SPOP: variants seen among roughly 807,000 people sequenced by gnomAD.
The protein encoded by SPOP is speckle type BTB/POZ protein.
In SPOP, 11 loss-of-function variants were observed where a neutral mutation model predicts 45.6. That is an observed-to-expected ratio of 0.24 (90% confidence interval 0.15 to 0.40). The LOEUF (loss-of-function observed/expected upper bound fraction) is 0.40, where lower values mean the gene tolerates loss of function less well. Ranked by LOEUF, SPOP falls within the 10% of genes least tolerant of loss-of-function variation. The probability of loss-of-function intolerance (pLI) is 1.00; values close to 1 mark genes in which losing one functional copy is unlikely to be tolerated. For synonymous variants in SPOP, 166 were observed against 166.3 expected (o/e 1.00, Z 0.01); for missense variants, 152 against 465.6 (o/e 0.33, Z 6.20).
In SPOP at chr17:49,600,557, G is replaced by C. The variant is rs1455091686; in HGVS notation, c.981-35C>G. The stretch of plus-strand genomic sequence containing the variant: ...ATGTGGAGAAATGGGTTACCAAAGG[G>C]AGTGAGCAAGGGATGAATTCAACAG... On this transcript the variant is annotated intron_variant, in intron 9 of 9. Transcript: ENST00000504102. This position sits in a 1 kb window ranked among gnomAD's most constrained non-coding sequence, Gnocchi z 4.2. 6.2e-7 allele frequency: 1 copy of C among 1,613,100 alleles called. No individual in the cohort carries two copies. Among genetic ancestry groups the C allele is most frequent in the East Asian group, 2.2e-5 (1 of 44,862 alleles).
chr17:49,671,399 T>C (rs2073133779), intron 1 of SPOP, among the ~76,000 whole-genome samples: 1 of 151,662 alleles, frequency 6.6e-6, no homozygotes, highest in South Asian at 2.1e-4. Flanking sequence ...GTCATATACA[T>C]AAAGGTTAAG....
At position 49,619,178 on chromosome 17, in the gene SPOP, T is replaced by C. The variant is rs2072160671; in HGVS notation, c.352+56A>G. Reference sequence around the variant, plus strand: ...CCAGATCAAAGCCACAACTTGTCAGTGTATGAAACTTCTGGATGTGAAACT... The same window carrying C: ...CCAGATCAAAGCCACAACTTGTCAGCGTATGAAACTTCTGGATGTGAAACT... On this transcript the variant is annotated intron_variant, in intron 4 of 9. Transcript: ENST00000504102. This position sits in a 1 kb window ranked among gnomAD's most constrained non-coding sequence, Gnocchi z 4.9. 6.2e-7 allele frequency: 1 copy of C among 1,613,788 alleles called. No homozygotes were observed. The highest frequency in any genetic ancestry group is 1.3e-5 in the African/African-American group (1 of 74,986).
chr17:49,620,401 G>C (rs1428667829), intron 3 of SPOP, among the ~76,000 whole-genome samples: 1 of 150,462 alleles, frequency 6.6e-6, no homozygotes, highest in South Asian at 2.1e-4. Flanking sequence ...CCAGGAGGCA[G>C]AGGTTGCAGT....
At chr17:49,674,400 T>C (rs2073174740) in intron 1 of SPOP, among the ~76,000 whole-genome samples, 1 of 152,244 alleles carries the variant, frequency 6.6e-6, no homozygotes. Flanking sequence ...ATTATTGATC[T>C]GTTCAGGTTT....
At chr17:49,617,004 G>T (rs2072101285) in intron 5 of SPOP, among the ~76,000 whole-genome samples, 1 of 152,204 alleles carries the variant, frequency 6.6e-6, no homozygotes, top group Non-Finnish European at 1.5e-5. Flanking sequence ...TTAACCACAG[G>T]ATAAGAGACT....
At chr17:49,610,304 C>T (rs532597219) in intron 6 of SPOP, among the ~76,000 whole-genome samples, 6 of 151,854 alleles carry the variant, frequency 4.0e-5, no homozygotes, top group South Asian at 2.1e-4. Context: ...CTGCAACCTC[C>T]GCCTCCAGGG....
chr17:49,600,621 G>A lies in SPOP; in HGVS notation c.981-99C>T. 7.5e-7 allele frequency: 1 copy of A among 1,327,078 alleles called. No homozygotes were observed. Among genetic ancestry groups the A allele is most frequent in the Non-Finnish European group, 1.1e-6 (1 of 945,726 alleles). 82.2% of individuals were successfully genotyped at this position (1,327,078 alleles called of 1,614,324 possible). On this transcript the variant is annotated intron_variant, in intron 9 of 9. Coordinates refer to ENST00000504102, the MANE Select transcript of SPOP (RefSeq NM_001007228.2). This position sits in a 1 kb window ranked among gnomAD's most constrained non-coding sequence, Gnocchi z 4.2. The stretch of plus-strand genomic sequence containing the variant: ...CTAATTTTCCACTGTTAGGTATAAA[G>A]GGTGTCAATGCAAGAAACAGAAGAA...
At chr17:49,617,200 G>A (rs2072107278) in intron 5 of SPOP, among the ~76,000 whole-genome samples, 1 of 152,214 alleles carries the variant, frequency 6.6e-6, no homozygotes, top group Non-Finnish European at 1.5e-5. Flanking sequence ...ATTTAGGGGA[G>A]ATTTTCTTCA....
At position 49,621,840 on chromosome 17, in the gene SPOP, A is replaced by G. The variant is rs962821469; in HGVS notation, c.200+106T>C. 6 of 1,282,686 alleles carry G rather than the reference A, an allele frequency of 4.7e-6. No homozygotes were observed. The African/African-American group carries it at 8.9e-5, about 19-fold the overall frequency. The allele number at this position is 1,282,686 out of a possible 1,614,324, so 79.5% of individuals were successfully genotyped here. A position where few individuals can be genotyped will look rare whatever the true frequency, so the allele number is the denominator to read the frequency against. On this transcript the variant is annotated intron_variant, in intron 3 of 9. Coordinates refer to ENST00000504102, the MANE Select transcript of SPOP (RefSeq NM_001007228.2). ...TGGGAAATACAGTAAGAACAAAACAAAAGTCCTGGCCTTCATGGAAATTAC... is the reference window on the plus strand; with the variant it reads ...TGGGAAATACAGTAAGAACAAAACAGAAGTCCTGGCCTTCATGGAAATTAC...
At chr17:49,657,133 C>A (rs1232668925) in intron 1 of SPOP, among the ~76,000 whole-genome samples, 7 of 149,504 alleles carry the variant, frequency 4.7e-5, no homozygotes, top group Non-Finnish European at 1.0e-4. Flanking sequence ...TGCAGTGAGC[C>A]GAGATTGCGC....
chr17:49,642,671 C>T (rs1229672267), intron 1 of SPOP, among the ~76,000 whole-genome samples: 1 of 152,150 alleles, frequency 6.6e-6, no homozygotes, highest in Non-Finnish European at 1.5e-5. Flanking sequence ...AAAACGAACC[C>T]TACAGTGTTA....
chr17:49,657,923 A>G (rs1048932995), intron 1 of SPOP, among the ~76,000 whole-genome samples: 10 of 148,162 alleles, frequency 6.7e-5, no homozygotes, highest in Admixed American at 1.3e-4. Context: ...GGATGGTCTC[A>G]ATCTCCTGAC....
intron 8 of SPOP, among the ~76,000 whole-genome samples, chr17:49,605,763 G>A (rs1016978182): frequency 2.6e-5 from 4 of 151,866 alleles, no homozygotes; most frequent in African/African-American, 9.7e-5. Context: ...AGAGGTGGGC[G>A]GATCACTTGA....
At chr17:49,671,117 C>T (rs1367536700) in intron 1 of SPOP, among the ~76,000 whole-genome samples, 2 of 152,118 alleles carry the variant, frequency 1.3e-5, no homozygotes, top group East Asian at 1.9e-4. Context: ...AGAGATACTG[C>T]CTTTCACGAA....
rs758347027 is a variant in SPOP at position 49,621,927 on chromosome 17, T to G, written c.200+19A>C. The G allele has an allele frequency of 6.2e-7, 1 of 1,611,928 alleles. No homozygotes were observed. Among genetic ancestry groups the G allele is most frequent in the South Asian group, 1.1e-5 (1 of 90,818 alleles). On this transcript the variant is annotated intron_variant, in intron 3 of 9. Transcript: ENST00000504102. ...ACAACTTCAGAAAAATTTTTACAGT[T>G]AGACGTATTCTTCCTCACCATTTCA...
intron 1 of SPOP, among the ~76,000 whole-genome samples, chr17:49,629,321 T>C (rs2072405156): frequency 1.3e-5 from 2 of 152,196 alleles, no homozygotes; most frequent in Admixed American, 1.3e-4. Context: ...TGGTTTTTTT[T>C]CACATATCTC....
At chr17:49,623,209 T>A (rs2072255949) in intron 1 of SPOP, among the ~76,000 whole-genome samples, 1 of 152,096 alleles carries the variant, frequency 6.6e-6, no homozygotes, top group Non-Finnish European at 1.5e-5. Context: ...GGTTTCTCCA[T>A]GTTAGTCAGG....
At chr17:49,649,575 G>A (rs1176995669) in intron 1 of SPOP, among the ~76,000 whole-genome samples, 1 of 151,772 alleles carries the variant, frequency 6.6e-6, no homozygotes, top group East Asian at 2.0e-4. Context: ...GCTCACGCCT[G>A]TAATCCCAGC....
At chr17:49,604,038 C>T (rs2071788504) in intron 8 of SPOP, among the ~76,000 whole-genome samples, 1 of 152,150 alleles carries the variant, frequency 6.6e-6, no homozygotes, top group African/African-American at 2.4e-5. Flanking sequence ...GTATTTCTGT[C>T]TAAAAAGTGG....
Sources: gnomAD v4.1 joint callset for allele counts (sites outside exome capture counted in the v4.1 genomes callset) on GRCh38, gnomAD v4.1.1 for gene constraint, Gnocchi (gnomAD v3.1) non-coding constraint, MANE v1.5 for transcripts, NCBI Gene and HGNC (gene_info 2026-07-23, HGNC 2026-07-21) for gene names.